The following TMEM132C variants were observed in gnomAD, a reference collection of about 807,000 sequenced individuals.
TMEM132C encodes the protein protein phosphatase 1, regulatory subunit 152.
Under a neutral mutation model 61.4 loss-of-function variants are expected in TMEM132C, and 29 were observed. The observed-to-expected ratio is 0.47, with a 90% CI of 0.35 to 0.64. The LOEUF is 0.64. Among genes scored for constraint, TMEM132C ranks in the 30% least tolerant of loss-of-function variants. The pLI, the probability that TMEM132C is intolerant of heterozygous loss-of-function variation, is 0.00. For synonymous variants in TMEM132C, 656 were observed against 633.1 expected (o/e 1.04, Z -0.54); for missense variants, 1,408 against 1,476.9 (o/e 0.95, Z 0.76).
intron 1 of TMEM132C, among the ~76,000 whole-genome samples, chr12:128,309,972 G>A (rs1471426861): frequency 3.3e-5 from 5 of 152,128 alleles, no homozygotes; most frequent in Non-Finnish European, 5.9e-5. Context: ...CTGACCTCAC[G>A]TGATCCTCCC....
rs76031913 is a variant in TMEM132C, at chr12:128,644,704, C to T, written c.1306-24713C>T. 5.0e-3 allele frequency among the ~76,000 whole-genome samples: 765 copies of T among 152,292 alleles called. 6 individuals are homozygous for T. Among genetic ancestry groups the T allele is most frequent in the African/African-American group, 0.017 (705 of 41,550 alleles). On this transcript the variant is annotated intron_variant, in intron 4 of 8. Coordinates refer to ENST00000435159, the MANE Select transcript of TMEM132C (RefSeq NM_001136103.3). Reference sequence around the variant, plus strand: ...ACAATTGTATAAAATTACTAAACTCCATGGCACTATACGCTTAAATTGTTA... The same window carrying T: ...ACAATTGTATAAAATTACTAAACTCTATGGCACTATACGCTTAAATTGTTA...
chr12:128,392,762 T>A (rs1391958900), intron 1 of TMEM132C, among the ~76,000 whole-genome samples: 2 of 148,496 alleles, frequency 1.3e-5, no homozygotes. Context: ...TAAAATACAC[T>A]AACACTAATG....
At chr12:128,656,790 C>T (rs1403335660) in intron 4 of TMEM132C, among the ~76,000 whole-genome samples, 1 of 152,186 alleles carries the variant, frequency 6.6e-6, no homozygotes, top group East Asian at 1.9e-4. Context: ...TTTAGTTTCT[C>T]CTCCCAACCC....
intron 3 of TMEM132C, among the ~76,000 whole-genome samples, chr12:128,545,377 G>A (rs1873911545): frequency 6.6e-6 from 1 of 152,212 alleles, no homozygotes; most frequent in African/African-American, 2.4e-5. Context: ...CACTGTGGAT[G>A]TGTTGATTCT....
intron 4 of TMEM132C, among the ~76,000 whole-genome samples, chr12:128,661,195 C>T (rs1954386118): frequency 6.6e-6 from 1 of 152,186 alleles, no homozygotes; most frequent in Admixed American, 6.5e-5. Flanking sequence ...AAGATTTCTT[C>T]CTGTTCAGGG....
chr12:128,597,474 GAGGAAGGAAGGAAGGAAGGAAAGAAGGA>G (rs1483938389), intron 3 of TMEM132C, among the ~76,000 whole-genome samples: 6 of 129,734 alleles, frequency 4.6e-5, no homozygotes, highest in Admixed American at 8.7e-5. Context: ...GAGCGAGAGA[GAGGAAGGAAGGAAGGAAGGAAAGAAGGA>G]AGGAAGGAAG....
intron 2 of TMEM132C, among the ~76,000 whole-genome samples, chr12:128,518,182 A>AT (rs1253047413): frequency 1.3e-5 from 2 of 152,146 alleles, no homozygotes; most frequent in East Asian, 3.9e-4. Context: ...TAAAGCTTGC[A>AT]TTTTCTGGGC....
At chr12:128,472,426 T>G (rs879871367) in intron 2 of TMEM132C, among the ~76,000 whole-genome samples, 3 of 151,968 alleles carry the variant, frequency 2.0e-5, no homozygotes, top group Non-Finnish European at 2.9e-5. Context: ...GGAAATAGAG[T>G]TATTTATGGC....
At chr12:128,468,128 T>A (rs759048597) in intron 2 of TMEM132C, among the ~76,000 whole-genome samples, 1 of 152,006 alleles carries the variant, frequency 6.6e-6, no homozygotes, top group Non-Finnish European at 1.5e-5. Context: ...AGTGAATGCA[T>A]GTTGAGCAGA....
chr12:128,638,959 GTGA>G (rs1457150831), intron 4 of TMEM132C, among the ~76,000 whole-genome samples: 1 of 132,798 alleles, frequency 7.5e-6, no homozygotes, highest in Non-Finnish European at 1.7e-5. Context: ...GGTGGTGATG[GTGA>G]TGGTGGTGAT....
chr12:128,690,775 A>C (rs1304559748), intron 5 of TMEM132C, among the ~76,000 whole-genome samples: 1 of 152,146 alleles, frequency 6.6e-6, no homozygotes, highest in African/African-American at 2.4e-5. Context: ...AGATCCATCC[A>C]TGTGTTCCCA....
At chr12:128,659,968 C>T (rs1593138388) in intron 4 of TMEM132C, among the ~76,000 whole-genome samples, 1 of 152,212 alleles carries the variant, frequency 6.6e-6, no homozygotes, top group Admixed American at 6.5e-5. Context: ...AGCTCCACCG[C>T]GCTGCTGGCT....
chr12:128,310,734 T>G (rs1871939952), intron 1 of TMEM132C, among the ~76,000 whole-genome samples: 1 of 152,160 alleles, frequency 6.6e-6, no homozygotes, highest in Admixed American at 6.5e-5. Context: ...ATGCAAGCTA[T>G]ATCTACCAGT....
chr12:128,471,179 A>C (rs906837602), intron 2 of TMEM132C, among the ~76,000 whole-genome samples: 6 of 152,334 alleles, frequency 3.9e-5, no homozygotes, highest in African/African-American at 1.4e-4. Context: ...CTCCAGAAGT[A>C]TCCCTGCTTC....
chr12:128,672,286 T>C (rs1001658232), intron 5 of TMEM132C, among the ~76,000 whole-genome samples: 4 of 152,128 alleles, frequency 2.6e-5, no homozygotes, highest in African/African-American at 9.7e-5. Flanking sequence ...CTGGCCTTTG[T>C]CACTGATTTG....
rs933209269 is a variant in TMEM132C at position 128,523,112 on chromosome 12, G to A, written c.975-20845G>A. ...GAAATTCTGACTCACATTACAACAT[G>A]GATGAACCCTGCGAACACCGTGCTA... On this transcript the variant is annotated intron_variant, in intron 2 of 8. Transcript: ENST00000435159. Among the ~76,000 whole-genome samples, 6 of 152,300 alleles carry A rather than the reference G, an allele frequency of 3.9e-5. No homozygotes were observed. In the South Asian group the frequency reaches 1.2e-3, roughly 32 times the overall value.
intron 5 of TMEM132C, among the ~76,000 whole-genome samples, chr12:128,687,801 C>A (rs76043770): frequency 4.3e-4 from 66 of 152,082 alleles, no homozygotes; most frequent in Admixed American, 2.1e-3. Flanking sequence ...GAGAAGAGGC[C>A]CCTGGGCTGC....
intron 5 of TMEM132C, among the ~76,000 whole-genome samples, chr12:128,685,269 T>A (rs1954665040): frequency 6.6e-6 from 1 of 152,234 alleles, no homozygotes. Context: ...ACATCCCATC[T>A]CTTAGCAGAA....
rs1872535003 is a variant in TMEM132C, at chr12:128,326,795, T to TG, written c.85+59308_85+59309insG. Among the ~76,000 whole-genome samples the TG allele has an allele frequency of 6.8e-6, 1 of 147,926 alleles. No homozygotes were observed. The highest frequency in any genetic ancestry group is 1.5e-5 in the Non-Finnish European group (1 of 67,876). ...CCACATCTCGTTACCGACTTCACAA[T>TG]ATTTTTTTTTTCTTTCTTAACAACG... On this transcript the variant is annotated intron_variant, in intron 1 of 8. Coordinates refer to ENST00000435159, the MANE Select transcript of TMEM132C (RefSeq NM_001136103.3). This position sits in a 1 kb window ranked among gnomAD's most constrained non-coding sequence, Gnocchi z 5.6.
Sources: allele counts gnomAD v4.1 joint callset (sites outside exome capture counted in the v4.1 genomes callset), GRCh38; gene constraint gnomAD v4.1.1; non-coding constraint Gnocchi (gnomAD v3.1); transcripts MANE v1.5; gene names NCBI Gene and HGNC (gene_info 2026-07-23, HGNC 2026-07-21).